BTN1A1: variants seen among roughly 807,000 people sequenced by gnomAD.
BTN1A1 encodes the protein bK14H9.2 (butyrophilin, subfamily 1, member A1).
BTN1A1 carries 26 observed loss-of-function variants against 33.1 expected under a neutral mutation model. The ratio of observed to expected loss-of-function variants is 0.79; its 90% CI spans 0.58 to 1.09. The LOEUF is 1.09. Among genes scored for constraint, BTN1A1 ranks in the 50% least tolerant of loss-of-function variants. BTN1A1 has a pLI of 0.00. For missense variants in BTN1A1, 558 were observed against 655.7 expected (o/e 0.85, Z 1.63); for synonymous variants, 235 against 256.2 (o/e 0.92, Z 0.79).
Position 26,506,828 on chromosome 6 carries a change from T to G in BTN1A1, c.855T>G (p.Ser285=). 6.2e-7 allele frequency: 1 copy of G among 1,614,130 alleles called. No homozygotes were observed. The highest frequency in any genetic ancestry group is 8.5e-7 in the Non-Finnish European group (1 of 1,180,022). Residue 285 remains serine, a synonymous_variant, in exon 5 of 8, where the codon TCT becomes TCG. Coordinates refer to ENST00000684113, the MANE Select transcript of BTN1A1 (RefSeq NM_001732.3). ...GAGAGAGGAGGAATGAATTCAGCTC[T>G]AAAGGTAAACCATAGAATCCACAAG... ...RPRERRNEFS[S]KERLLEELKW...
At chr6:26,500,982 C>T (rs1015308256) in intron 1 of BTN1A1, among the ~76,000 whole-genome samples, 1 of 152,038 alleles carries the variant, frequency 6.6e-6, no homozygotes, top group Non-Finnish European at 1.5e-5. Flanking sequence ...ATTTGTTCAT[C>T]GATATGCAAC....
chr6:26,505,201 T>C lies in BTN1A1; in HGVS notation c.704T>C (p.Ile235Thr), dbSNP rs1763854223. 1.9e-6 allele frequency: 3 copies of C among 1,612,542 alleles called. No homozygotes were observed. Among genetic ancestry groups the C allele is most frequent in the Admixed American group, 3.3e-5 (2 of 59,968 alleles). ...CAGGAGAAGAAAGTAGAAATATCCA[T>C]ACCAGGTTAGTGGAACCAATGCTGC... Reference protein sequence around the residue: ...LGQEKKVEISIPASSLPRLTP... With the variant: ...LGQEKKVEISTPASSLPRLTP... Residue 235 changes from isoleucine (I) to threonine (T), a missense_variant, in exon 4 of 8, where the codon ATA becomes ACA. Transcript: ENST00000684113.
rs772226654 is a variant in BTN1A1, at chr6:26,505,205, A to G, written c.708A>G (p.Pro236=). ...GQEKKVEISI[P]ASSLPRLTPW... ...AGAAGAAAGTAGAAATATCCATACC[A>G]GGTTAGTGGAACCAATGCTGCTGGA... Residue 236 remains proline (P), a splice_region_variant and synonymous_variant, in exon 4 of 8, where the codon CCA becomes CCG. Transcript: ENST00000684113. The G allele has an allele frequency of 6.8e-6, 11 of 1,611,782 alleles. No homozygotes were observed. In the South Asian group the frequency reaches 1.2e-4, roughly 18 times the overall value.
chr6:26,507,378 C>T (rs1252400808), intron 5 of BTN1A1, among the ~76,000 whole-genome samples: 1 of 152,146 alleles, frequency 6.6e-6, no homozygotes, highest in Non-Finnish European at 1.5e-5. Context: ...ACTACCCACC[C>T]TCAGACCCTA....
Position 26,509,256 on chromosome 6 carries a change from C to T in BTN1A1, c.*82C>T. The T allele has an allele frequency of 3.1e-6, 4 of 1,303,604 alleles. No homozygotes were observed. Among genetic ancestry groups the T allele is most frequent in the Non-Finnish European group, 3.2e-6 (3 of 944,228 alleles). 80.8% of individuals were successfully genotyped at this position (1,303,604 alleles called of 1,614,324 possible). A position where few individuals can be genotyped will look rare whatever the true frequency, so the allele number is the denominator to read the frequency against. On this transcript the variant is annotated 3_prime_UTR_variant, in exon 8 of 8. Coordinates refer to ENST00000684113, the MANE Select transcript of BTN1A1 (RefSeq NM_001732.3). ...CTGAGGCTTCACCTGCTAGCTTTAC[C>T]CAGTCTGTTTCTTCCTGTTGGGTGG...
At position 26,505,082 on chromosome 6, in the gene BTN1A1, T is replaced by G. The variant is rs762801012; in HGVS notation, c.585T>G (p.Asp195Glu). ...CTACATCAGAGTCCAGGAATCCTGA[T>G]GAAGAAGGTTTGTTCACTGTGGCTG... ...FPSTSESRNP[D>E]EEGLFTVAAS... The change falls in exon 4 of 8, where the codon GAT (aspartate) becomes GAG (glutamate). Residue 195 changes from aspartate to glutamate, a missense_variant. Physicochemically the swap from Asp to Glu is conservative, Grantham distance 45 (BLOSUM62 2). Coordinates refer to ENST00000684113, the MANE Select transcript of BTN1A1 (RefSeq NM_001732.3). 2.7e-5 allele frequency: 44 copies of G among 1,614,108 alleles called. No individual in the cohort carries two copies. The highest frequency in any genetic ancestry group is 3.5e-5 in the Non-Finnish European group (41 of 1,180,046).
chr6:26,506,596 C>A, intron 4 of BTN1A1, 87 bp from the exon 5 acceptor site: 1 of 1,435,682 alleles, frequency 7.0e-7, no homozygotes, highest in African/African-American at 1.4e-5. Flanking sequence ...AGGCCATCAC[C>A]TCTTCTACCC....
intron 3 of BTN1A1, among the ~76,000 whole-genome samples, chr6:26,502,826 A>G (rs1199016630): frequency 6.6e-6 from 1 of 152,168 alleles, no homozygotes; most frequent in Non-Finnish European, 1.5e-5. Flanking sequence ...CACATTCCTG[A>G]TTCATATAGA....
In BTN1A1 at chr6:26,510,301, CAT is replaced by C. The variant is rs1561886249; in HGVS notation, c.*1128_*1129del. The C allele has an allele frequency of 6.6e-6, 1 of 152,394 alleles. No individual in the cohort carries two copies. The allele number at this position is 152,394 out of a possible 1,614,324, so 9.4% of individuals were successfully genotyped here. ...TTGCCCCTGAGCACTTTCCTTTACA[CAT>C]GTGGCTTGTCTTGCCAATAGACTCC... On this transcript the variant is annotated 3_prime_UTR_variant, in exon 8 of 8. Coordinates refer to ENST00000684113, the MANE Select transcript of BTN1A1 (RefSeq NM_001732.3).
intron 3 of BTN1A1, 144 bp downstream of exon 3, chr6:26,502,081 G>C: frequency 8.0e-7 from 1 of 1,257,072 alleles, no homozygotes. Flanking sequence ...TATCTGGGCG[G>C]GAGGCGAGGG....
Position 26,508,430 on chromosome 6 carries a change from A to G in BTN1A1, c.908-71A>G, listed in dbSNP as rs923888474. On this transcript the variant is annotated intron_variant, in intron 7 of 7. Coordinates refer to ENST00000684113, the MANE Select transcript of BTN1A1 (RefSeq NM_001732.3). ...CTCCTACAACAGTGTTCTGTTTCTT[A>G]GGAGAAGGAAAGACAGTCCTGCAAC... The G allele has an allele frequency of 2.0e-6, 3 of 1,479,708 alleles. No homozygotes were observed. In the African/African-American group the frequency reaches 4.2e-5, roughly 21 times the overall value. 91.7% of individuals were successfully genotyped at this position (1,479,708 alleles called of 1,614,324 possible). A position where few individuals can be genotyped will look rare whatever the true frequency, so the allele number is the denominator to read the frequency against.
chr6:26,502,053 T>C (rs1581428158), intron 3 of BTN1A1, 116 bp downstream of exon 3: 3 of 1,355,616 alleles, frequency 2.2e-6, no homozygotes, highest in Non-Finnish European at 1.9e-6. Flanking sequence ...TAGGTTGATG[T>C]CGCCGGGGAG....
At chr6:26,500,945 CT>C (rs994735291) in intron 1 of BTN1A1, among the ~76,000 whole-genome samples, 4 of 150,888 alleles carry the variant, frequency 2.7e-5, no homozygotes, top group Admixed American at 6.6e-5. Context: ...AAAAAGGAGA[CT>C]TTTTTTTTAG....
In BTN1A1 at chr6:26,508,841, AG is replaced by A. The variant is rs1288107777; in HGVS notation, c.1251del (p.Pro419HisfsTer8). ...CTCTCCGGACCCCTCTCCCATTGGC[AG>A]GGCCCCCACGCCGGGTTGGGATTTT... ...TPLRTPLPLAGPPRRVGIFLD... is the reference protein window; with the variant it reads ...TPLRTPLPLAXPPRRVGIFLD... On this transcript the variant is annotated frameshift_variant, in exon 8 of 8. Transcript: ENST00000684113. LOFTEE classifies it low-confidence loss of function (END_TRUNC). 1.9e-6 allele frequency: 3 copies of A among 1,614,194 alleles called. No individual in the cohort carries two copies. The highest frequency in any genetic ancestry group is 2.5e-6 in the Non-Finnish European group (3 of 1,180,020).
At chr6:26,503,621 C>CA (rs1272914749) in intron 3 of BTN1A1, among the ~76,000 whole-genome samples, 6 of 149,266 alleles carry the variant, frequency 4.0e-5, no homozygotes, top group African/African-American at 1.5e-4. Context: ...ACATATATAT[C>CA]ATATATGTAT....
chr6:26,509,109 C>G lies in BTN1A1; in HGVS notation c.1516C>G (p.Pro506Ala), dbSNP rs774345172. ...PLSPMGEDSA[P>A]RDADTLHSKL... The stretch of plus-strand genomic sequence containing the variant: ...GTCCCCCATGGGGGAGGACTCTGCC[C>G]CTAGGGATGCAGACACTCTCCATTC... The change falls in exon 8 of 8, where the codon CCT (proline) becomes GCT (alanine). Residue 506 changes from proline to alanine, a missense_variant. Coordinates refer to ENST00000684113, the MANE Select transcript of BTN1A1 (RefSeq NM_001732.3). The G allele has an allele frequency of 6.2e-7, 1 of 1,614,028 alleles. No homozygotes were observed. The highest frequency in any genetic ancestry group is 8.5e-7 in the Non-Finnish European group (1 of 1,179,952).
chr6:26,504,922 T>C lies in BTN1A1; in HGVS notation c.428-3T>C. Reference sequence around the variant, plus strand: ...ACATTAAGTCCAGATTCTCTCTCCATAGCTCTGGGCTCTGACCCTCACATC... The same window carrying C: ...ACATTAAGTCCAGATTCTCTCTCCACAGCTCTGGGCTCTGACCCTCACATC... On this transcript the variant is annotated splice_region_variant and splice_polypyrimidine_tract_variant and intron_variant, in intron 3 of 7. Transcript: ENST00000684113. 1.2e-6 allele frequency: 2 copies of C among 1,613,590 alleles called. No homozygotes were observed. The highest frequency in any genetic ancestry group is 2.2e-5 in the East Asian group (1 of 44,880).
intron 3 of BTN1A1, among the ~76,000 whole-genome samples, chr6:26,504,053 A>T (rs973646095): frequency 6.6e-6 from 1 of 152,222 alleles, no homozygotes; most frequent in African/African-American, 2.4e-5. Flanking sequence ...ACAGAAAAAA[A>T]TAGGCTAAAC....
intron 5 of BTN1A1, among the ~76,000 whole-genome samples, chr6:26,507,327 T>C (rs1416795617): frequency 1.3e-5 from 2 of 152,196 alleles, no homozygotes; most frequent in South Asian, 2.1e-4. Context: ...GATTGGGGCA[T>C]AGGCAGAGTC....
Sources: gnomAD v4.1 joint callset for allele counts (sites outside exome capture counted in the v4.1 genomes callset) on GRCh38, gnomAD v4.1.1 for gene constraint, MANE v1.5 for transcripts, NCBI Gene and HGNC (gene_info 2026-07-23, HGNC 2026-07-21) for gene names.